PACRG: variants seen among roughly 807,000 people sequenced by gnomAD.
The protein encoded by PACRG is parkin coregulated.
Under a neutral mutation model 29.7 loss-of-function variants are expected in PACRG, and 29 were observed. That is an observed-to-expected ratio of 0.98 (90% CI 0.73 to 1.33). The LOEUF (loss-of-function observed/expected upper bound fraction) is 1.33, where lower values mean the gene tolerates loss of function less well. PACRG is among the 40% of genes most tolerant of loss of function. The pLI, the probability that PACRG is intolerant of heterozygous loss-of-function variation, is 0.00. For missense variants in PACRG, 279 were observed against 316.2 expected (o/e 0.88, Z 0.89); for synonymous variants, 116 against 118.7 (o/e 0.98, Z 0.15).
At chr6:163,066,460 G>A (rs1213228900) in intron 3 of PACRG, among the ~76,000 whole-genome samples, 3 of 152,192 alleles carry the variant, frequency 2.0e-5, no homozygotes, top group African/African-American at 7.2e-5. Flanking sequence ...GTGAAAAGCA[G>A]TCAGCACTAA....
chr6:162,997,432 C>T (rs917070107), intron 2 of PACRG: 23 of 454,124 alleles, frequency 5.1e-5, no homozygotes, highest in Non-Finnish European at 8.4e-5. Context: ...ATTACAAAAC[C>T]ACATCACCTT....
At chr6:162,793,574 A>G (rs1785129018) in intron 1 of PACRG, among the ~76,000 whole-genome samples, 1 of 152,206 alleles carries the variant, frequency 6.6e-6, no homozygotes, top group African/African-American at 2.4e-5. Flanking sequence ...TCTGGACAAG[A>G]AGAAGGAAGA....
chr6:162,901,494 G>C (rs1205822902), intron 2 of PACRG, among the ~76,000 whole-genome samples: 1 of 152,192 alleles, frequency 6.6e-6, no homozygotes, highest in Non-Finnish European at 1.5e-5. Context: ...CATAGATAAA[G>C]GTGAGGTTAC....
intron 4 of PACRG, among the ~76,000 whole-genome samples, chr6:163,132,794 C>A (rs1384320634): frequency 1.3e-5 from 2 of 152,162 alleles, no homozygotes; most frequent in Non-Finnish European, 2.9e-5. Context: ...TAGATTCCTG[C>A]AAGTGGGGAC....
At chr6:163,153,663 C>T (rs1778196029) in intron 4 of PACRG, among the ~76,000 whole-genome samples, 1 of 152,016 alleles carries the variant, frequency 6.6e-6, no homozygotes, top group Non-Finnish European at 1.5e-5. Flanking sequence ...CAATGGAAGT[C>T]AATAAAGATC....
chr6:163,031,067 A>C (rs1369328807), intron 2 of PACRG, among the ~76,000 whole-genome samples: 1 of 152,124 alleles, frequency 6.6e-6, no homozygotes, highest in East Asian at 1.9e-4. Flanking sequence ...GGTAGAGAGG[A>C]GCTCAGTCAG....
At chr6:163,160,835 G>T (rs371903202) in intron 4 of PACRG, among the ~76,000 whole-genome samples, 2 of 152,222 alleles carry the variant, frequency 1.3e-5, no homozygotes, top group East Asian at 1.9e-4. Flanking sequence ...TCTTCTTGGA[G>T]GAATTCCCAC....
intron 1 of PACRG, among the ~76,000 whole-genome samples, chr6:162,730,161 C>A (rs1002940253): frequency 6.6e-6 from 1 of 151,192 alleles, no homozygotes; most frequent in Non-Finnish European, 1.5e-5. Flanking sequence ...CGAGGAAAAC[C>A]AAAATAACAA....
At chr6:163,164,724 A>T (rs1778716913) in intron 4 of PACRG, among the ~76,000 whole-genome samples, 1 of 152,186 alleles carries the variant, frequency 6.6e-6, no homozygotes, top group South Asian at 2.1e-4. Context: ...CCCCCATCAC[A>T]CTTGAATTCC....
intron 2 of PACRG, among the ~76,000 whole-genome samples, chr6:162,821,909 AAAC>A (rs1210532210): frequency 2.0e-5 from 3 of 152,252 alleles, no homozygotes; most frequent in Non-Finnish European, 4.4e-5. Flanking sequence ...GTATGCTTGT[AAAC>A]AACAACAAGA....
In PACRG at chr6:162,747,346, A is replaced by C. The variant is rs1346426242; in HGVS notation, c.156+18955A>C. Reference sequence around the variant, plus strand: ...TGCTCATATATATATATATATATATATATATATATATATATATACACATAC... The same window carrying C: ...TGCTCATATATATATATATATATATCTATATATATATATATATACACATAC... On this transcript the variant is annotated intron_variant, in intron 1 of 4. Coordinates refer to ENST00000366888, the MANE Select transcript of PACRG (RefSeq NM_001080379.2). Among the ~76,000 whole-genome samples the C allele has an allele frequency of 4.0e-5, 3 of 75,388 alleles. 1 individual carries two copies. Among genetic ancestry groups the C allele is most frequent in the African/African-American group, 2.0e-4 (3 of 15,028 alleles). The allele number at this position is 75,388 out of a possible 152,430, so 49.5% of individuals were successfully genotyped here.
At chr6:162,865,000 A>G (rs983693434) in intron 2 of PACRG, among the ~76,000 whole-genome samples, 3 of 152,216 alleles carry the variant, frequency 2.0e-5, no homozygotes, top group African/African-American at 7.2e-5. Flanking sequence ...TGTTAGGAGA[A>G]TGATCTATAG....
At chr6:163,247,804 A>G (rs916518851) in intron 4 of PACRG, among the ~76,000 whole-genome samples, 1 of 152,180 alleles carries the variant, frequency 6.6e-6, no homozygotes, top group Non-Finnish European at 1.5e-5. Context: ...ACAAGCAGCT[A>G]TTTGTCTCTT....
At chr6:162,929,058 A>T (rs943186460) in intron 2 of PACRG, among the ~76,000 whole-genome samples, 2 of 152,032 alleles carry the variant, frequency 1.3e-5, no homozygotes, top group African/African-American at 4.8e-5. Flanking sequence ...GCCTATTGTG[A>T]ATAGTGCTCC....
chr6:163,063,772 G>C (rs1483903730), intron 3 of PACRG, among the ~76,000 whole-genome samples: 2 of 152,108 alleles, frequency 1.3e-5, no homozygotes, highest in Non-Finnish European at 2.9e-5. Context: ...AACACAGAGA[G>C]AAAAGAGACT....
intron 1 of PACRG, among the ~76,000 whole-genome samples, chr6:162,768,006 T>G (rs984694641): frequency 2.6e-5 from 4 of 152,208 alleles, no homozygotes; most frequent in Non-Finnish European, 5.9e-5. Context: ...ACAAATTAGA[T>G]GTTATGTTTA....
chr6:162,936,606 G>A, intron 2 of PACRG, among the ~76,000 whole-genome samples: 1 of 151,946 alleles, frequency 6.6e-6, no homozygotes, highest in East Asian at 1.9e-4. Context: ...TATCCAAAAG[G>A]TAAATGATCC....
chr6:163,200,895 C>T (rs182899549), intron 4 of PACRG, among the ~76,000 whole-genome samples: 16 of 152,180 alleles, frequency 1.1e-4, no homozygotes, highest in African/African-American at 3.6e-4. Context: ...CCTGCACCAC[C>T]GGCATTCCTG....
chr6:162,992,068 C>T (rs1237421517), intron 2 of PACRG, among the ~76,000 whole-genome samples: 12 of 142,732 alleles, frequency 8.4e-5, no homozygotes, highest in Admixed American at 2.0e-4. Flanking sequence ...ATTGAACCAG[C>T]CTTTCATCCC....
Sources: gnomAD v4.1 joint callset for allele counts (sites outside exome capture counted in the v4.1 genomes callset) on GRCh38, gnomAD v4.1.1 for gene constraint, MANE v1.5 for transcripts, NCBI Gene and HGNC (gene_info 2026-07-23, HGNC 2026-07-21) for gene names.